Variants in TXNRD2 observed in about 807,000 individuals in gnomAD.
TXNRD2 encodes the protein thioredoxin reductase 2, also known as thioredoxin reductase 2, mitochondrial.
TXNRD2 carries 67 observed loss-of-function variants against 70.8 expected under a neutral mutation model. That is an observed-to-expected ratio of 0.95 (90% CI 0.78 to 1.16). The LOEUF (loss-of-function observed/expected upper bound fraction) is 1.16. TXNRD2 is among the 50% of genes most tolerant of loss of function. TXNRD2 has a pLI of 0.00. For synonymous variants in TXNRD2, 301 were observed against 295.8 expected, an observed-to-expected ratio of 1.02 and a Z score of -0.18; for missense variants, 644 against 719.9, an observed-to-expected ratio of 0.89 and a Z score of 1.21.
Position 19,915,284 on chromosome 22 carries a change from G to T in TXNRD2, c.529-8C>A, listed in dbSNP as rs754998172. 9.3e-6 allele frequency: 15 copies of T among 1,612,832 alleles called. No individual in the cohort carries two copies. The highest frequency in any genetic ancestry group is 1.3e-5 in the Non-Finnish European group (15 of 1,179,536). On this transcript the variant is annotated splice_polypyrimidine_tract_variant and splice_region_variant and intron_variant, in intron 6 of 17. Coordinates refer to ENST00000400521, the MANE Select transcript of TXNRD2 (RefSeq NM_006440.5). ...ATCGGCTGACAGCAGAATCTGAGGA[G>T]AAAAAGAGAAAGCCGTGGGTCAGAC...
At chr22:19,934,396 A>C (rs908017768) in intron 1 of TXNRD2, among the ~76,000 whole-genome samples, 1 of 151,142 alleles carries the variant, frequency 6.6e-6, no homozygotes. Flanking sequence ...AAAAAAAAAA[A>C]AAAAACTGCA....
chr22:19,932,310 G>A (rs1201131459), intron 1 of TXNRD2: 2 of 1,612,238 alleles, frequency 1.2e-6, no homozygotes, highest in Non-Finnish European at 8.5e-7. Flanking sequence ...CTGGGCTCAG[G>A]TTTCATCCCT....
At position 19,895,576 on chromosome 22, in the gene TXNRD2, C is replaced by T. The variant is rs745523977; in HGVS notation, c.780G>A (p.Met260Ile). Residue 260 changes from methionine (M) to isoleucine (I), a missense_variant, in exon 11 of 18, where the codon ATG (methionine) becomes ATA (isoleucine). By Grantham distance (10) the Met-to-Ile change is conservative. Coordinates refer to ENST00000400521, the MANE Select transcript of TXNRD2 (RefSeq NM_006440.5). ...CCATGTGCTCTATGACCATGGAGGACATTTGCTGCAAAGCACAAGAAGACA... is the reference window on the plus strand; with the variant it reads ...CCATGTGCTCTATGACCATGGAGGATATTTGCTGCAAAGCACAAGAAGACA... ...SIPLRGFDQQ[M>I]SSMVIEHMAS... is the part of the protein sequence containing the mutation. 6 of 1,610,992 alleles carry T rather than the reference C, an allele frequency of 3.7e-6. No individual in the cohort carries two copies. The South Asian group carries it at 6.6e-5, about 18-fold the overall frequency.
In TXNRD2 at chr22:19,921,600, A is replaced by G. The variant is rs190822088; in HGVS notation, c.173-2001T>C. Among the ~76,000 whole-genome samples the G allele has an allele frequency of 9.9e-5, 15 of 152,176 alleles. 1 individual carries two copies. In the East Asian group the frequency reaches 2.5e-3, roughly 25 times the overall value. ...AGGACCTGAGAGAGAGGAAACAAAC[A>G]TGGTGAGCCCTGGGGAGTCTCCAGG... On this transcript the variant is annotated intron_variant, in intron 2 of 17. Transcript: ENST00000400521.
chr22:19,890,507 T>C lies in TXNRD2; in HGVS notation c.949+4900A>G, dbSNP rs142649417. Among the ~76,000 whole-genome samples, 454 of 151,972 alleles carry C rather than the reference T, an allele frequency of 3.0e-3. 4 individuals are homozygous for C. Among genetic ancestry groups the C allele is most frequent in the African/African-American group, 0.011 (440 of 41,452 alleles). ...CACCGGGAAGAGCATAGCCACAAAC[T>C]TGGTTTCACGCAGCTGCAGCAAGGC... On this transcript the variant is annotated intron_variant, in intron 11 of 17. Transcript: ENST00000400521.
intron 8 of TXNRD2, chr22:19,902,907 G>C (rs1282905402): frequency 1.9e-6 from 1 of 517,474 alleles, no homozygotes; most frequent in African/African-American, 1.9e-5. Flanking sequence ...CTTGTGCTTA[G>C]GAAGAGAGAA....
At chr22:19,914,899 G>A (rs1253262916) in intron 7 of TXNRD2, 3 of 406,364 alleles carry the variant, frequency 7.4e-6, no homozygotes, top group Non-Finnish European at 1.4e-5. Flanking sequence ...TTCTGAGGCT[G>A]AAGGGAAAAG....
In TXNRD2 at chr22:19,899,033, C is replaced by G; in HGVS notation, c.682+16G>C. The stretch of plus-strand genomic sequence containing the variant: ...CCAGTTCCCAGGACGGCCACCTGCA[C>G]GCTTGCAAAGGATACAGCTGGCCCC... On this transcript the variant is annotated intron_variant, in intron 9 of 17. Transcript: ENST00000400521. 3.1e-6 allele frequency: 5 copies of G among 1,605,966 alleles called. No homozygotes were observed. Among genetic ancestry groups the G allele is most frequent in the Non-Finnish European group, 4.2e-6 (5 of 1,179,940 alleles).
chr22:19,933,759 AGGAAGG>A (rs1017460777), intron 1 of TXNRD2, among the ~76,000 whole-genome samples: 2 of 152,152 alleles, frequency 1.3e-5, no homozygotes, highest in African/African-American at 4.8e-5. Flanking sequence ...GTTCTGTGGG[AGGAAGG>A]GCTGGGTGGC....
At chr22:19,894,422 CCAT>C (rs1939400107) in intron 11 of TXNRD2, 1 of 152,696 alleles carries the variant, frequency 6.5e-6, no homozygotes, top group African/African-American at 2.4e-5. Flanking sequence ...GTGTATGTCA[CCAT>C]AATTTTTAAA....
At chr22:19,908,867 G>A (rs764152999) in intron 8 of TXNRD2, among the ~76,000 whole-genome samples, 2 of 152,170 alleles carry the variant, frequency 1.3e-5, no homozygotes, top group African/African-American at 2.4e-5. Flanking sequence ...ATGGTTTCAC[G>A]ACATTATTAA....
At chr22:19,877,344 T>C in intron 16 of TXNRD2, 110 bp from the exon 17 acceptor site, 1 of 1,006,160 alleles carries the variant, frequency 9.9e-7, no homozygotes, top group Middle Eastern at 3.1e-4. Context: ...CTCCTCACTG[T>C]CCCCTGACCC....
At chr22:19,911,974 G>A (rs2146026768) in intron 7 of TXNRD2, among the ~76,000 whole-genome samples, 1 of 152,286 alleles carries the variant, frequency 6.6e-6, no homozygotes, top group East Asian at 1.9e-4. Flanking sequence ...TACAAGGCCA[G>A]CCAGAGGAGA....
intron 11 of TXNRD2, chr22:19,887,494 C>T (rs1421827852): frequency 1.3e-5 from 2 of 152,240 alleles, no homozygotes; most frequent in African/African-American, 2.4e-5. Context: ...TCCATCACCA[C>T]CAAGGGCCTC....
chr22:19,911,327 T>C (rs770899222), intron 8 of TXNRD2, 50 bp downstream of exon 8: 2 of 1,436,166 alleles, frequency 1.4e-6, no homozygotes, highest in Non-Finnish European at 2.0e-6. Context: ...GGTCCAGTGC[T>C]CACTCTGGTG....
Position 19,877,032 on chromosome 22 carries a change from C to A in TXNRD2, c.*65+8G>T. 1.3e-6 allele frequency: 2 copies of A among 1,529,216 alleles called. No individual in the cohort carries two copies. The highest frequency in any genetic ancestry group is 8.9e-7 in the Non-Finnish European group (1 of 1,128,372). The allele number at this position is 1,529,216 out of a possible 1,614,324, so 94.7% of individuals were successfully genotyped here. On this transcript the variant is annotated splice_region_variant and intron_variant, in intron 17 of 17. Coordinates refer to ENST00000400521, the MANE Select transcript of TXNRD2 (RefSeq NM_006440.5). ...TGTCCTCAAACAGAGCCAGCCCCACCTGCATACCTGGGTCTGGCCTCCGAG... is the reference window on the plus strand; with the variant it reads ...TGTCCTCAAACAGAGCCAGCCCCACATGCATACCTGGGTCTGGCCTCCGAG...
At chr22:19,939,094 C>T (rs1397877563) in intron 1 of TXNRD2, among the ~76,000 whole-genome samples, 4 of 152,154 alleles carry the variant, frequency 2.6e-5, no homozygotes, top group Non-Finnish European at 4.4e-5. Context: ...ACCAGGAGAT[C>T]GTCAATCCCG....
intron 8 of TXNRD2, among the ~76,000 whole-genome samples, chr22:19,904,719 G>A (rs1939930190): frequency 6.6e-6 from 1 of 152,164 alleles, no homozygotes; most frequent in Non-Finnish European, 1.5e-5. Context: ...GGGCCAGGGG[G>A]ACAGGGAGCC....
Position 19,919,728 on chromosome 22 carries a change from T to A in TXNRD2, c.173-129A>T, listed in dbSNP as rs1940817570. On this transcript the variant is annotated intron_variant, in intron 2 of 17. Coordinates refer to ENST00000400521, the MANE Select transcript of TXNRD2 (RefSeq NM_006440.5). ...CCTGGGCCTGCGGCTGCCCACACAGTGGCTGAGCTGCGCAATGCTAGGGAC... is the reference window on the plus strand; with the variant it reads ...CCTGGGCCTGCGGCTGCCCACACAGAGGCTGAGCTGCGCAATGCTAGGGAC... 4 of 737,824 alleles carry A rather than the reference T, an allele frequency of 5.4e-6. No individual in the cohort carries two copies. The Admixed American group carries it at 9.3e-5, about 17-fold the overall frequency. 45.7% of individuals were successfully genotyped at this position (737,824 alleles called of 1,614,324 possible). A position where few individuals can be genotyped will look rare whatever the true frequency, so the allele number is the denominator to read the frequency against.
Sources: allele counts gnomAD v4.1 joint callset (sites outside exome capture counted in the v4.1 genomes callset), GRCh38; gene constraint gnomAD v4.1.1; transcripts MANE v1.5; gene names NCBI Gene and HGNC (gene_info 2026-07-23, HGNC 2026-07-21).